SRGAP3: variants seen among roughly 807,000 people sequenced by gnomAD.
The protein encoded by SRGAP3 is SLIT-ROBO Rho GTPase activating protein 3.
Under a neutral mutation model 121.1 loss-of-function variants are expected in SRGAP3, and 39 were observed. The ratio of observed to expected loss-of-function variants is 0.32; its 90% confidence interval spans 0.25 to 0.42. The LOEUF (loss-of-function observed/expected upper bound fraction) is 0.42, where lower values mean the gene tolerates loss of function less well. Ranked by LOEUF, SRGAP3 falls within the 10% of genes least tolerant of loss-of-function variation. SRGAP3 has a pLI of 1.00. For missense variants in SRGAP3, 1,213 were observed against 1,470.6 expected, an observed-to-expected ratio of 0.82 and a Z score of 2.86; for synonymous variants, 601 against 570.0, an observed-to-expected ratio of 1.05 and a Z score of -0.77.
At chr3:9,187,314 G>C (rs1048079651) in intron 1 of SRGAP3, among the ~76,000 whole-genome samples, 3 of 152,142 alleles carry the variant, frequency 2.0e-5, no homozygotes, top group East Asian at 1.9e-4. Context: ...TTGCAGAGAG[G>C]GGGTACAGTC....
chr3:9,274,001 C>A (rs886678165), intron 3 of SRGAP3, among the ~76,000 whole-genome samples: 2 of 152,142 alleles, frequency 1.3e-5, no homozygotes, highest in African/African-American at 4.8e-5. Context: ...TAGAATAACT[C>A]TGATGTTCAG....
chr3:9,237,087 T>C (rs928828062), intron 1 of SRGAP3, among the ~76,000 whole-genome samples: 1 of 152,214 alleles, frequency 6.6e-6, no homozygotes, highest in Non-Finnish European at 1.5e-5. Flanking sequence ...TCTTCCTGCA[T>C]TACGTCTCAA....
chr3:9,319,071 A>T (rs993243121), intron 3 of SRGAP3, among the ~76,000 whole-genome samples: 2 of 151,892 alleles, frequency 1.3e-5, no homozygotes, highest in Non-Finnish European at 2.9e-5. Context: ...AAATACATAC[A>T]CACACATATT....
intron 18 of SRGAP3, among the ~76,000 whole-genome samples, chr3:9,005,449 A>C (rs341794): frequency 0.79 from 120,500 of 152,118 alleles, 48,209 homozygotes; most frequent in Middle Eastern, 0.86. Context: ...GAAATGAAAA[A>C]TTCTGTCTAT....
chr3:9,058,319 T>C lies in SRGAP3; in HGVS notation c.955A>G (p.Met319Val), dbSNP rs1364770631. ...LDSRSDKHTV[M>V]DMCNQVFCPP... ...CAGAAGACTTGATTGCACATGTCCA[T>C]GACTGTGTGCTTGTCACTTCGGGAA... Residue 319 changes from methionine to valine, a missense_variant, in exon 7 of 22, where the codon ATG (methionine) becomes GTG (valine). Around this residue, in one of 2 missense-constraint regions of SRGAP3, gnomAD observed 793 missense variants for 1,032.9 expected, o/e 0.77. Transcript: ENST00000383836. 6.2e-7 allele frequency: 1 copy of C among 1,614,236 alleles called. No homozygotes were observed. Among genetic ancestry groups the C allele is most frequent in the East Asian group, 2.2e-5 (1 of 44,884 alleles).
intron 21 of SRGAP3, among the ~76,000 whole-genome samples, chr3:8,988,214 T>G (rs1941837771): frequency 6.6e-6 from 1 of 152,188 alleles, no homozygotes; most frequent in African/African-American, 2.4e-5. Flanking sequence ...AATTCGATCT[T>G]CCCACTTTGG....
intron 3 of SRGAP3, among the ~76,000 whole-genome samples, chr3:9,093,995 AATTAG>A (rs1947866720): frequency 6.6e-6 from 1 of 152,176 alleles, no homozygotes; most frequent in Non-Finnish European, 1.5e-5. Context: ...ACATCACTCA[AATTAG>A]ATAACAAAAT....
chr3:9,269,097 C>T (rs1450132782), intron 3 of SRGAP3, among the ~76,000 whole-genome samples: 1 of 152,212 alleles, frequency 6.6e-6, no homozygotes, highest in Admixed American at 6.5e-5. Flanking sequence ...CTTCCCCAAT[C>T]TCTGGGTGCT....
intron 1 of SRGAP3, among the ~76,000 whole-genome samples, chr3:9,144,676 G>C (rs1409774997): frequency 6.6e-6 from 1 of 152,172 alleles, no homozygotes; most frequent in African/African-American, 2.4e-5. Flanking sequence ...CATGTAAGAA[G>C]TGCCTTTCAC....
At chr3:9,097,900 A>G (rs1948053161) in intron 3 of SRGAP3, among the ~76,000 whole-genome samples, 1 of 152,000 alleles carries the variant, frequency 6.6e-6, no homozygotes, top group South Asian at 2.1e-4. Context: ...ACTGCACCAC[A>G]GTCCGACTTC....
intron 2 of SRGAP3, among the ~76,000 whole-genome samples, chr3:9,120,858 C>T (rs1383258661): frequency 2.0e-5 from 3 of 152,342 alleles, no homozygotes; most frequent in South Asian, 4.1e-4. Context: ...CTTTGGATCA[C>T]GTGTCACAGG....
chr3:9,073,874 T>A (rs1946835394), intron 4 of SRGAP3, among the ~76,000 whole-genome samples: 1 of 152,226 alleles, frequency 6.6e-6, no homozygotes, highest in Non-Finnish European at 1.5e-5. Context: ...GATTGATGGC[T>A]AAAAGGTCTC....
chr3:8,994,760 T>C (rs1384931641), intron 18 of SRGAP3, among the ~76,000 whole-genome samples: 1 of 152,238 alleles, frequency 6.6e-6, no homozygotes, highest in African/African-American at 2.4e-5. Flanking sequence ...AGGGAGCTGA[T>C]ACATGCTCCT....
At chr3:8,986,028 C>T (rs974068646) in intron 21 of SRGAP3, 96 bp from the exon 22 acceptor site, 28 of 1,581,046 alleles carry the variant, frequency 1.8e-5, no homozygotes, top group Middle Eastern at 1.7e-4. Flanking sequence ...GCAGGTTCCC[C>T]AGAAGCCTCG....
intron 3 of SRGAP3, among the ~76,000 whole-genome samples, chr3:9,100,431 CA>C (rs1011442702): frequency 5.9e-5 from 9 of 152,162 alleles, no homozygotes; most frequent in African/African-American, 2.2e-4. Flanking sequence ...AAAGAATTGA[CA>C]CACAGAAGGT....
chr3:9,024,964 G>C (rs928454473), intron 14 of SRGAP3, among the ~76,000 whole-genome samples: 13 of 152,122 alleles, frequency 8.5e-5, no homozygotes, highest in African/African-American at 2.9e-4. Flanking sequence ...AACAGTGGTG[G>C]TGGTGCTGGT....
intron 1 of SRGAP3, among the ~76,000 whole-genome samples, chr3:9,164,037 G>C (rs1174018519): frequency 2.2e-5 from 2 of 90,794 alleles, no homozygotes; most frequent in African/African-American, 4.5e-5. Context: ...CACTCTTGTT[G>C]CCCAGGCTGG....
At chr3:9,238,111 C>G (rs888632607) in intron 1 of SRGAP3, among the ~76,000 whole-genome samples, 1 of 152,186 alleles carries the variant, frequency 6.6e-6, no homozygotes, top group African/African-American at 2.4e-5. Context: ...CCTTCAACCA[C>G]AAATGATCCA....
At position 8,985,240 on chromosome 3, in the gene SRGAP3, T is replaced by C. The variant is rs909446529; in HGVS notation, c.*279A>G. 9 of 527,360 alleles carry C rather than the reference T, an allele frequency of 1.7e-5. No individual in the cohort carries two copies. The highest frequency in any genetic ancestry group is 6.6e-6 in the Non-Finnish European group (2 of 301,352). 32.7% of individuals were successfully genotyped at this position (527,360 alleles called of 1,614,324 possible). A position where few individuals can be genotyped will look rare whatever the true frequency, so the allele number is the denominator to read the frequency against. On this transcript the variant is annotated 3_prime_UTR_variant, in exon 22 of 22. Transcript: ENST00000383836. This position sits in a 1 kb window ranked among gnomAD's most constrained non-coding sequence, Gnocchi z 5.1. ...GTGACGATATGCGGGAGAAGCCATG[T>C]GGTATTTTGCCTCCATGTTAGGGAA...
Sources: gnomAD v4.1 joint callset for allele counts (sites outside exome capture counted in the v4.1 genomes callset) on GRCh38, gnomAD v4.1.1 for gene constraint, gnomAD v4.1.1 regional missense constraint, Gnocchi (gnomAD v3.1) non-coding constraint, MANE v1.5 for transcripts, NCBI Gene and HGNC (gene_info 2026-07-23, HGNC 2026-07-21) for gene names.